The following UNC13C variants were observed in gnomAD, a reference collection of about 807,000 sequenced individuals.
UNC13C encodes the protein protein unc-13 homolog C.
In UNC13C, 174 loss-of-function variants were observed where a neutral mutation model predicts 245.4. That is an observed-to-expected ratio of 0.71 (90% confidence interval 0.63 to 0.80). The LOEUF (loss-of-function observed/expected upper bound fraction) is 0.80. Ranked by LOEUF, UNC13C falls within the 30% of genes least tolerant of loss-of-function variation. UNC13C has a pLI of 0.00. For missense variants in UNC13C, 2,829 were observed against 2,602.9 expected, an observed-to-expected ratio of 1.09 and a Z score of -1.89; for synonymous variants, 992 against 895.1, an observed-to-expected ratio of 1.11 and a Z score of -1.93.
chr15:54,008,207 A>G (rs1895228157), intron 1 of UNC13C, among the ~76,000 whole-genome samples: 1 of 152,172 alleles, frequency 6.6e-6, no homozygotes, highest in Non-Finnish European at 1.5e-5. Flanking sequence ...CCCATTAAAC[A>G]CTAATATTAG....
chr15:54,220,700 C>G (rs568069347), intron 4 of UNC13C, among the ~76,000 whole-genome samples: 1 of 151,950 alleles, frequency 6.6e-6, no homozygotes, highest in Admixed American at 6.6e-5. Context: ...TGCCTGCACA[C>G]TTGTAAATGT....
intron 1 of UNC13C, among the ~76,000 whole-genome samples, chr15:53,986,768 TA>T (rs34332861): frequency 0.12 from 18,960 of 152,026 alleles, 1,500 homozygotes; most frequent in East Asian, 0.28. Context: ...AGAGGACAGA[TA>T]ATTTACTGTA....
At chr15:54,124,014 T>A (rs1456277883) in intron 2 of UNC13C, among the ~76,000 whole-genome samples, 2 of 152,190 alleles carry the variant, frequency 1.3e-5, no homozygotes, top group Non-Finnish European at 2.9e-5. Context: ...TTCAAATTAT[T>A]GCATGTATCA....
At chr15:53,939,355 C>T in the UNC13C span, among the ~76,000 whole-genome samples, 3 of 152,100 alleles carry the variant, frequency 2.0e-5, no homozygotes, top group South Asian at 2.1e-4. Context: ...AATACTCTAC[C>T]AACCAAAAAA....
chr15:54,235,776 G>A (rs112044177), intron 5 of UNC13C, among the ~76,000 whole-genome samples: 8,173 of 152,154 alleles, frequency 0.054, 770 homozygotes, highest in African/African-American at 0.19. Context: ...GCGTGAACCC[G>A]GGAGGCGGAG....
At chr15:54,403,621 C>T (rs1395820817) in intron 18 of UNC13C, among the ~76,000 whole-genome samples, 4 of 139,996 alleles carry the variant, frequency 2.9e-5, no homozygotes, top group Non-Finnish European at 6.1e-5. Flanking sequence ...GAGGCTGAGG[C>T]GGAAGGATCT....
the UNC13C span, among the ~76,000 whole-genome samples, chr15:53,872,838 A>G: frequency 6.6e-6 from 1 of 152,170 alleles, no homozygotes; most frequent in Non-Finnish European, 1.5e-5. Flanking sequence ...AATGAAATTG[A>G]TGTTGTTGGG....
intron 13 of UNC13C, among the ~76,000 whole-genome samples, chr15:54,306,551 A>G (rs1378258932): frequency 3.9e-5 from 6 of 151,930 alleles, no homozygotes; most frequent in African/African-American, 1.4e-4. Flanking sequence ...GTGTTTTGAC[A>G]GACTAATTGT....
intron 19 of UNC13C, among the ~76,000 whole-genome samples, chr15:54,430,824 G>T (rs746171613): frequency 6.6e-6 from 1 of 151,710 alleles, no homozygotes. Flanking sequence ...CCACTGGGAG[G>T]TTCTGGCATT....
intron 1 of UNC13C, among the ~76,000 whole-genome samples, chr15:54,012,070 G>A (rs1319425141): frequency 1.3e-5 from 2 of 152,146 alleles, no homozygotes; most frequent in Non-Finnish European, 2.9e-5. Context: ...CCCTGTGCTG[G>A]CAAACCAGCA....
intron 18 of UNC13C, among the ~76,000 whole-genome samples, chr15:54,407,441 T>C (rs373033294): frequency 1.1e-4 from 17 of 152,228 alleles, no homozygotes; most frequent in African/African-American, 3.6e-4. Context: ...AACTATGAAA[T>C]ACGTAAGAAA....
chr15:54,179,105 T>C (rs1471544801), intron 4 of UNC13C, among the ~76,000 whole-genome samples: 1 of 152,090 alleles, frequency 6.6e-6, no homozygotes, highest in Non-Finnish European at 1.5e-5. Context: ...TTCACTATAA[T>C]CCATGATTGA....
chr15:54,170,394 G>T (rs1482715655), intron 4 of UNC13C, among the ~76,000 whole-genome samples: 1 of 151,986 alleles, frequency 6.6e-6, no homozygotes, highest in Non-Finnish European at 1.5e-5. Context: ...CATTTGGGAA[G>T]ACAAGATCTA....
At chr15:53,878,392 C>T in the UNC13C span, among the ~76,000 whole-genome samples, 8 of 152,268 alleles carry the variant, frequency 5.3e-5, no homozygotes, top group South Asian at 1.7e-3. Context: ...CTCAGAATTT[C>T]TAGGTGCCAG....
intron 2 of UNC13C, among the ~76,000 whole-genome samples, chr15:54,133,788 A>G (rs1175680578): frequency 2.6e-5 from 4 of 152,168 alleles, no homozygotes; most frequent in Non-Finnish European, 1.5e-5. Context: ...TATATACACA[A>G]TATCTGTATA....
At chr15:54,410,857 T>C (rs1420229193) in intron 18 of UNC13C, among the ~76,000 whole-genome samples, 1 of 152,216 alleles carries the variant, frequency 6.6e-6, no homozygotes, top group East Asian at 1.9e-4. Context: ...CTTGGTTCCA[T>C]ATGAATTTAG....
chr15:54,528,087 A>T (rs917285292), intron 25 of UNC13C, among the ~76,000 whole-genome samples: 1 of 152,210 alleles, frequency 6.6e-6, no homozygotes, highest in Admixed American at 6.5e-5. Flanking sequence ...AAAACTCATA[A>T]TTAAATAATT....
chr15:53,911,999 C>T, the UNC13C span: 1 of 152,228 alleles, frequency 6.6e-6, no homozygotes. Flanking sequence ...CCTGGGAGTC[C>T]ACGCCGTAAA....
At chr15:53,910,556 AAGAG>A in the UNC13C span, among the ~76,000 whole-genome samples, 3 of 146,310 alleles carry the variant, frequency 2.1e-5, no homozygotes, top group African/African-American at 7.3e-5. Context: ...CGCCCAGAGA[AAGAG>A]AGAGTCAGAG....
Sources: gnomAD v4.1 joint callset for allele counts (sites outside exome capture counted in the v4.1 genomes callset) on GRCh38, gnomAD v4.1.1 for gene constraint, MANE v1.5 for transcripts, NCBI Gene and HGNC (gene_info 2026-07-23, HGNC 2026-07-21) for gene names.